Variants in ARHGEF19 observed in about 807,000 individuals in gnomAD.
ARHGEF19 encodes Rho guanine nucleotide exchange factor 19, also known as Rho guanine nucleotide exchange factor (GEF) 19.
Under a neutral mutation model 87.6 loss-of-function variants are expected in ARHGEF19, and 92 were observed. The ratio of observed to expected loss-of-function variants is 1.05; its 90% CI spans 0.89 to 1.25. The LOEUF (loss-of-function observed/expected upper bound fraction) is 1.25, where lower values mean the gene tolerates loss of function less well. Ranked by LOEUF, ARHGEF19 falls within the 50% of genes most tolerant of loss-of-function variation. The pLI, the probability that ARHGEF19 is intolerant of heterozygous loss-of-function variation, is 0.00. For synonymous variants in ARHGEF19, 438 were observed against 446.2 expected (o/e 0.98, Z 0.23); for missense variants, 1,054 against 1,051.8 (o/e 1.00, Z -0.03).
chr1:16,197,854 T>C lies in ARHGEF19; in HGVS notation c.*733A>G, dbSNP rs2081054444. ...TGTTATAGAAGCCACAGGAAACAAA[T>C]AAAGAACTAATCAAATCTCTTTAAT... On this transcript the variant is annotated 3_prime_UTR_variant, in exon 16 of 16. Coordinates refer to ENST00000270747, the MANE Select transcript of ARHGEF19 (RefSeq NM_153213.5). 6.6e-6 allele frequency: 1 copy of C among 152,218 alleles called. No homozygotes were observed. The allele number at this position is 152,218 out of a possible 1,614,324, so 9.4% of individuals were successfully genotyped here. A position where few individuals can be genotyped will look rare whatever the true frequency, so the allele number is the denominator to read the frequency against.
chr1:16,205,386 C>G lies in ARHGEF19; in HGVS notation c.1621G>C (p.Asp541His). The part of the protein sequence containing the change: ...KRTAQGSEDE[D>H]MATKAFNALK... ...GCATTGAAGGCCTTGGTGGCCATGT[C>G]TTCGTCTTCAGAGCCCTGTGCTGTC... Residue 541 changes from aspartate to histidine, a missense_variant, in exon 10 of 16, where the codon GAC becomes CAC. Asp to His is a moderately conservative substitution (Grantham distance 81, BLOSUM62 -1). Transcript: ENST00000270747. The surrounding 1 kb of genome is among the most constrained non-coding windows in gnomAD (Gnocchi z 5.8). 1.2e-6 allele frequency: 2 copies of G among 1,613,476 alleles called. No individual in the cohort carries two copies. The highest frequency in any genetic ancestry group is 1.7e-6 in the Non-Finnish European group (2 of 1,179,572).
rs1419779202 is a variant in ARHGEF19, at chr1:16,205,374, T to C, written c.1633A>G (p.Lys545Glu). 1 of 1,613,518 alleles carries C rather than the reference T, an allele frequency of 6.2e-7. No individual in the cohort carries two copies. Among genetic ancestry groups the C allele is most frequent in the African/African-American group, 1.3e-5 (1 of 74,898 alleles). Residue 545 changes from lysine (K) to glutamate (E), a missense_variant, in exon 10 of 16, where the codon AAG becomes GAG. Transcript: ENST00000270747. This position sits in a 1 kb window ranked among gnomAD's most constrained non-coding sequence, Gnocchi z 5.8. ...QGSEDEDMAT[K>E]AFNALKELVQ... ...ACCTCCTTGAGCGCATTGAAGGCCT[T>C]GGTGGCCATGTCTTCGTCTTCAGAG... is the stretch of plus-strand genomic sequence containing the variant.
In ARHGEF19 at chr1:16,204,826, T is replaced by A. The variant is rs1037712322; in HGVS notation, c.1840A>T (p.Lys614Ter). The stretch of plus-strand genomic sequence containing the variant: ...AGGTAGACTGCCTTGCTGGACAGCT[T>A]CAGCTTGGCAGGGGGTGCTGCAGGC... The part of the protein sequence containing the change: ...PLPAAPPAKL[K>*]LSSKAVYLHL... Residue 614 changes from lysine (K) to a stop codon, truncating the protein, a stop_gained, in exon 12 of 16, where the codon AAG (lysine) becomes TAG (stop). Coordinates refer to ENST00000270747, the MANE Select transcript of ARHGEF19 (RefSeq NM_153213.5). LOFTEE classifies it high-confidence loss of function. The A allele has an allele frequency of 2.5e-6, 4 of 1,611,238 alleles. No homozygotes were observed. Among genetic ancestry groups the A allele is most frequent in the Non-Finnish European group, 3.4e-6 (4 of 1,178,734 alleles).
chr1:16,201,333 C>T (rs1360609987), intron 14 of ARHGEF19, among the ~76,000 whole-genome samples: 1 of 152,192 alleles, frequency 6.6e-6, no homozygotes, highest in Non-Finnish European at 1.5e-5. Flanking sequence ...AAAGGAAAAA[C>T]CTTTATTCCA....
In ARHGEF19 at chr1:16,207,902, C is replaced by CGCCGCGGG; in HGVS notation, c.694+41_694+42insCCCGCGGC. 2.5e-6 allele frequency: 4 copies of CGCCGCGGG among 1,574,790 alleles called. No individual in the cohort carries two copies. Among genetic ancestry groups the CGCCGCGGG allele is most frequent in the Non-Finnish European group, 2.6e-6 (3 of 1,159,174 alleles). On this transcript the variant is annotated intron_variant, in intron 3 of 15. Coordinates refer to ENST00000270747, the MANE Select transcript of ARHGEF19 (RefSeq NM_153213.5). This position sits in a 1 kb window ranked among gnomAD's most constrained non-coding sequence, Gnocchi z 4.0. ...GGCATCGCCCACCCCCACCCCCACC[C>CGCCGCGGG]GGCATCTGGCTGCCCTCAGGGCCCA... is the stretch of plus-strand genomic sequence containing the variant.
intron 1 of ARHGEF19, among the ~76,000 whole-genome samples, 200 bp from the exon 2 acceptor site, chr1:16,209,283 C>T (rs1196394696): frequency 6.6e-6 from 1 of 152,226 alleles, no homozygotes; most frequent in Non-Finnish European, 1.5e-5. Context: ...TTTACACATA[C>T]TATCTCATTT....
At chr1:16,199,539 C>T (rs1440661225) in intron 14 of ARHGEF19, among the ~76,000 whole-genome samples, 1 of 152,128 alleles carries the variant, frequency 6.6e-6, no homozygotes, top group Non-Finnish European at 1.5e-5. Context: ...CCCTCCCCAG[C>T]TCAAGCCAAC....
In ARHGEF19 at chr1:16,205,432, G is replaced by A. The variant is rs1175789822; in HGVS notation, c.1582-7C>T. ...CTGTCCGCTTCAGGATGTTCTGGAA[G>A]GTGGGATCAGCACAATGAGGCAGTC... On this transcript the variant is annotated splice_polypyrimidine_tract_variant and splice_region_variant and intron_variant, in intron 9 of 15. Transcript: ENST00000270747. The surrounding 1 kb of genome is among the most constrained non-coding windows in gnomAD (Gnocchi z 5.8). The A allele has an allele frequency of 6.2e-7, 1 of 1,610,872 alleles. No homozygotes were observed. The highest frequency in any genetic ancestry group is 1.7e-5 in the Admixed American group (1 of 59,168).
chr1:16,207,817 TGGGCCTG>T lies in ARHGEF19; in HGVS notation c.695-47_695-41del. 18 of 1,609,512 alleles carry T rather than the reference TGGGCCTG, an allele frequency of 1.1e-5. No homozygotes were observed. Among genetic ancestry groups the T allele is most frequent in the Non-Finnish European group, 1.5e-5 (18 of 1,178,456 alleles). On this transcript the variant is annotated intron_variant, in intron 3 of 15. Coordinates refer to ENST00000270747, the MANE Select transcript of ARHGEF19 (RefSeq NM_153213.5). The surrounding 1 kb of genome is among the most constrained non-coding windows in gnomAD (Gnocchi z 4.0). ...AACTGAGGGTGGGGGGTCCAGAGAG[TGGGCCTG>T]GGGCCTGGGCCCCGGCCCAGGCACC...
At position 16,205,167 on chromosome 1, in the gene ARHGEF19, C is replaced by T. The variant is rs749620959; in HGVS notation, c.1666G>A (p.Glu556Lys). 3 of 1,598,366 alleles carry T rather than the reference C, an allele frequency of 1.9e-6. No homozygotes were observed. The highest frequency in any genetic ancestry group is 2.6e-6 in the Non-Finnish European group (3 of 1,172,488). The change falls in exon 11 of 16, where the codon GAG becomes AAG. Residue 556 changes from glutamate (E) to lysine (K), a missense_variant. Physicochemically the swap from Glu to Lys is moderately conservative, Grantham distance 56. Transcript: ENST00000270747. The surrounding 1 kb of genome is among the most constrained non-coding windows in gnomAD (Gnocchi z 5.8). ...ATGGACTGTACACTAGCATTGCACT[C>T]CTGCACCAGCTGGGGGAGCCGTGGG... ...AFNALKELVQ[E>K]CNASVQSMKR...
rs2081172161 is a variant in ARHGEF19 at position 16,208,914 on chromosome 1, A to C, written c.141T>G (p.Cys47Trp). Reference sequence around the variant, plus strand: ...CTGGGGCAACAGGGAAAAGGTCCAGACACACTGGGCTCGGGGGCTTCAGGG... The same window carrying C: ...CTGGGGCAACAGGGAAAAGGTCCAGCCACACTGGGCTCGGGGGCTTCAGGG... The part of the protein sequence containing the change: ...LPALKPPSPV[C>W]LDLFPVAPEE... Residue 47 changes from cysteine (C) to tryptophan (W), a missense_variant, in exon 2 of 16, where the codon TGT (cysteine) becomes TGG (tryptophan). Physicochemically the swap from Cys to Trp is radical, Grantham distance 215 (BLOSUM62 -2). Coordinates refer to ENST00000270747, the MANE Select transcript of ARHGEF19 (RefSeq NM_153213.5). The C allele has an allele frequency of 1.3e-6, 2 of 1,594,438 alleles. No individual in the cohort carries two copies. Among genetic ancestry groups the C allele is most frequent in the African/African-American group, 2.7e-5 (2 of 73,670 alleles).
rs2081090643 is a variant in ARHGEF19 at position 16,202,358 on chromosome 1, CG to C, written c.2066+57del. On this transcript the variant is annotated intron_variant, in intron 13 of 15. Coordinates refer to ENST00000270747, the MANE Select transcript of ARHGEF19 (RefSeq NM_153213.5). ...GGGGACGGGGTGCCCATCATGGGGA[CG>C]GGGTGCCTGTCATGGGGAGGGGGAG... The C allele has an allele frequency of 3.0e-6, 4 of 1,355,852 alleles. No individual in the cohort carries two copies. In the South Asian group the frequency reaches 4.2e-5, roughly 14 times the overall value. 84.0% of individuals were successfully genotyped at this position (1,355,852 alleles called of 1,614,324 possible). A position where few individuals can be genotyped will look rare whatever the true frequency, so the allele number is the denominator to read the frequency against.
At position 16,206,624 on chromosome 1, in the gene ARHGEF19, C is replaced by T; in HGVS notation, c.1138-284G>A. Reference sequence around the variant, plus strand: ...GTCCCGCCCCTGATCCTGGCCCCGCCTTGTTCCGCGCCCACCAGGCGTTTG... The same window carrying T: ...GTCCCGCCCCTGATCCTGGCCCCGCTTTGTTCCGCGCCCACCAGGCGTTTG... On this transcript the variant is annotated intron_variant, in intron 6 of 15. Transcript: ENST00000270747. This position sits in a 1 kb window ranked among gnomAD's most constrained non-coding sequence, Gnocchi z 4.6. 1 of 556,830 alleles carries T rather than the reference C, an allele frequency of 1.8e-6. No individual in the cohort carries two copies. The highest frequency in any genetic ancestry group is 2.2e-5 in the South Asian group (1 of 45,072). 34.5% of individuals were successfully genotyped at this position (556,830 alleles called of 1,614,324 possible).
intron 11 of ARHGEF19, 40 bp from the exon 12 acceptor site, chr1:16,204,959 C>G (rs778568494): frequency 6.3e-7 from 1 of 1,580,382 alleles, no homozygotes; most frequent in South Asian, 1.2e-5. Context: ...CCAGGGGCAC[C>G]AGGCAGAGAG....
chr1:16,205,680 G>T lies in ARHGEF19; in HGVS notation c.1452-13C>A, dbSNP rs1458088231. 5.0e-6 allele frequency: 8 copies of T among 1,598,272 alleles called. No individual in the cohort carries two copies. Among genetic ancestry groups the T allele is most frequent in the African/African-American group, 1.3e-5 (1 of 74,120 alleles). On this transcript the variant is annotated splice_polypyrimidine_tract_variant and intron_variant, in intron 8 of 15. Transcript: ENST00000270747. This position sits in a 1 kb window ranked among gnomAD's most constrained non-coding sequence, Gnocchi z 5.8. ...GGGGTTCTCCAGGCTGGAAAATGGG[G>T]AGGACTCTGGAATCACAGGTAGGCC...
chr1:16,199,755 T>A (rs951457769), intron 14 of ARHGEF19, among the ~76,000 whole-genome samples: 1 of 152,132 alleles, frequency 6.6e-6, no homozygotes, highest in Non-Finnish European at 1.5e-5. Flanking sequence ...AAGTCCTCCC[T>A]AGGCCCTACA....
At chr1:16,200,208 G>C (rs527948514) in intron 14 of ARHGEF19, among the ~76,000 whole-genome samples, 1 of 152,188 alleles carries the variant, frequency 6.6e-6, no homozygotes, top group Non-Finnish European at 1.5e-5. Context: ...GCCAGACCTC[G>C]CTTGAATCCC....
Position 16,208,924 on chromosome 1 carries a change from C to T in ARHGEF19, c.131G>A (p.Ser44Asn). 1 of 1,586,738 alleles carries T rather than the reference C, an allele frequency of 6.3e-7. No individual in the cohort carries two copies. The change falls in exon 2 of 16, where the codon AGC becomes AAC. Residue 44 changes from serine to asparagine, a missense_variant. Ser to Asn is a conservative substitution (Grantham distance 46, BLOSUM62 1). Transcript: ENST00000270747. ...FAELPALKPP[S>N]PVCLDLFPVA... ...AGGGAAAAGGTCCAGACACACTGGG[C>T]TCGGGGGCTTCAGGGCGGGCAGCTC...
At chr1:16,209,786 C>G (rs548392351) in intron 1 of ARHGEF19, among the ~76,000 whole-genome samples, 2 of 152,258 alleles carry the variant, frequency 1.3e-5, no homozygotes, top group African/African-American at 4.8e-5. Context: ...CCCCCCATCT[C>G]CCCGACCCTT....
Sources: gnomAD v4.1 joint callset for allele counts (sites outside exome capture counted in the v4.1 genomes callset) on GRCh38, gnomAD v4.1.1 for gene constraint, Gnocchi (gnomAD v3.1) non-coding constraint, MANE v1.5 for transcripts, NCBI Gene and HGNC (gene_info 2026-07-23, HGNC 2026-07-21) for gene names.